SEMA6A: variants seen among roughly 807,000 people sequenced by gnomAD.
SEMA6A encodes the protein semaphorin 6A, also known as semaphorin-6A.
Under a neutral mutation model 96.8 loss-of-function variants are expected in SEMA6A, and 25 were observed. That is an observed-to-expected ratio of 0.26 (90% confidence interval 0.19 to 0.36). The LOEUF (loss-of-function observed/expected upper bound fraction) is 0.36, where lower values mean the gene tolerates loss of function less well. SEMA6A is among the 10% of genes least tolerant of loss of function. The pLI is 1.00. For synonymous variants in SEMA6A, 612 were observed against 518.0 expected (o/e 1.18, Z -2.46); for missense variants, 1,363 against 1,323.1 (o/e 1.03, Z -0.47).
At chr5:116,553,252 C>T (rs981645536) in intron 1 of SEMA6A, among the ~76,000 whole-genome samples, 2 of 152,116 alleles carry the variant, frequency 1.3e-5, no homozygotes, top group Non-Finnish European at 2.9e-5. Context: ...CTTGAAAATC[C>T]ATTAAGTATA....
chr5:116,543,383 C>T (rs1402170665), intron 1 of SEMA6A, among the ~76,000 whole-genome samples: 2 of 152,240 alleles, frequency 1.3e-5, no homozygotes, highest in Non-Finnish European at 2.9e-5. Context: ...TTCATGTTCA[C>T]TGCAGATGTG....
At chr5:116,489,936 A>G (rs558279050) in intron 7 of SEMA6A, among the ~76,000 whole-genome samples, 55 of 152,348 alleles carry the variant, frequency 3.6e-4, no homozygotes, top group African/African-American at 1.3e-3. Context: ...TACTTCCGTG[A>G]TTCACTTTTA....
chr5:116,483,893 G>C (rs897786279), intron 10 of SEMA6A, among the ~76,000 whole-genome samples: 1 of 151,818 alleles, frequency 6.6e-6, no homozygotes, highest in Admixed American at 6.6e-5. Context: ...GTGAAACCCC[G>C]TCTCTACTAA....
Position 116,447,246 on chromosome 5 carries a change from G to C in SEMA6A, c.2460C>G (p.Ile820Met), listed in dbSNP as rs575055741. 3.1e-6 allele frequency: 5 copies of C among 1,613,992 alleles called. No homozygotes were observed. The Admixed American group carries it at 5.0e-5, about 16-fold the overall frequency. The part of the protein sequence containing the change: ...SHIPSVVVLP[I>M]TQQGYQHEYV... ...ACTCATGCTGGTAGCCCTGCTGCGT[G>C]ATGGGCAGGACCACCACGCTGGGGA... Residue 820 changes from isoleucine (I) to methionine (M), a missense_variant, in exon 19 of 19, where the codon ATC becomes ATG. Physicochemically the swap from Ile to Met is conservative, Grantham distance 10 (BLOSUM62 1). This residue lies in a region of SEMA6A where 883 missense variants were observed against 763.6 expected (regional missense o/e 1.16). Coordinates refer to ENST00000343348, the MANE Select transcript of SEMA6A (RefSeq NM_020796.5).
chr5:116,537,028 A>C (rs1416777202), intron 1 of SEMA6A, among the ~76,000 whole-genome samples: 1 of 152,220 alleles, frequency 6.6e-6, no homozygotes, highest in African/African-American at 2.4e-5. Context: ...GCGTTCCTTT[A>C]AACCAAGTCC....
chr5:116,559,035 G>A (rs1217387470), intron 1 of SEMA6A, among the ~76,000 whole-genome samples: 2 of 152,162 alleles, frequency 1.3e-5, no homozygotes, highest in Non-Finnish European at 2.9e-5. Context: ...AGATCATTTA[G>A]CGCTTGGTCC....
intron 4 of SEMA6A, among the ~76,000 whole-genome samples, chr5:116,496,955 A>C (rs1757632824): frequency 6.6e-6 from 1 of 152,240 alleles, no homozygotes. Flanking sequence ...AATCAAACTT[A>C]ATACTGCAAG....
At chr5:116,463,335 C>T (rs1213899472) in intron 18 of SEMA6A, among the ~76,000 whole-genome samples, 1 of 152,066 alleles carries the variant, frequency 6.6e-6, no homozygotes, top group African/African-American at 2.4e-5. Context: ...TCATCTCCCT[C>T]GGAGGAAATA....
chr5:116,454,050 T>A (rs1754826613), intron 18 of SEMA6A, among the ~76,000 whole-genome samples: 1 of 152,146 alleles, frequency 6.6e-6, no homozygotes, highest in African/African-American at 2.4e-5. Context: ...TCACCCCCTT[T>A]CACTGGACGG....
At chr5:116,519,870 A>G (rs1026131477) in intron 1 of SEMA6A, among the ~76,000 whole-genome samples, 1 of 152,096 alleles carries the variant, frequency 6.6e-6, no homozygotes, top group African/African-American at 2.4e-5. Context: ...CTCCTGCCTC[A>G]TGACAATTGC....
At chr5:116,501,477 GT>G (rs1289807362) in intron 3 of SEMA6A, among the ~76,000 whole-genome samples, 1 of 152,104 alleles carries the variant, frequency 6.6e-6, no homozygotes, top group African/African-American at 2.4e-5. Flanking sequence ...TTCTTTCAAA[GT>G]GATGATATAG....
chr5:116,504,580 G>A (rs1000708238), intron 2 of SEMA6A, among the ~76,000 whole-genome samples: 8 of 152,136 alleles, frequency 5.3e-5, no homozygotes, highest in African/African-American at 1.7e-4. Flanking sequence ...GCATGAACAC[G>A]GCAGCCTCGA....
intron 1 of SEMA6A, among the ~76,000 whole-genome samples, chr5:116,573,205 ATGGTAGCGCCCTAGGACACAG>A (rs1468421633): frequency 6.6e-6 from 1 of 152,180 alleles, no homozygotes; most frequent in Non-Finnish European, 1.5e-5. Context: ...CATTGCCCCC[ATGGTAGCGCCCTAGGACACAG>A]TGAGGAGTCG....
intron 1 of SEMA6A, among the ~76,000 whole-genome samples, chr5:116,551,317 T>TACACACAC (rs66523615): frequency 0.22 from 31,468 of 142,238 alleles, 3,990 homozygotes; most frequent in Admixed American, 0.29. Flanking sequence ...AGTCTTAGCA[T>TACACACAC]ACACACACAC....
At chr5:116,546,957 T>A (rs761374494) in intron 1 of SEMA6A, among the ~76,000 whole-genome samples, 1 of 152,178 alleles carries the variant, frequency 6.6e-6, no homozygotes, top group Non-Finnish European at 1.5e-5. Flanking sequence ...TAGATTCTCA[T>A]GAAAAACAAA....
intron 17 of SEMA6A, 190 bp downstream of exon 17, chr5:116,472,883 A>T (rs768099873): frequency 1.1e-5 from 16 of 1,505,356 alleles, no homozygotes; most frequent in Non-Finnish European, 1.3e-5. Context: ...CCGTAAACTG[A>T]CCATACACTG....
intron 9 of SEMA6A, chr5:116,487,214 C>T (rs1757097303): frequency 1.9e-5 from 8 of 431,470 alleles, no homozygotes; most frequent in South Asian, 1.5e-4. Context: ...GAATCAGCTC[C>T]GAGCCACATA....
intron 1 of SEMA6A, among the ~76,000 whole-genome samples, chr5:116,563,356 G>T (rs1760894854): frequency 6.6e-6 from 1 of 152,086 alleles, no homozygotes; most frequent in African/African-American, 2.4e-5. Flanking sequence ...ACAAATTTCA[G>T]TTGTTCCCCA....
Position 116,528,928 on chromosome 5 carries a change from G to A in SEMA6A, c.-38-23946C>T, listed in dbSNP as rs141358508. ...CCTGACCCTGTGTCACTTTGACTGT[G>A]AAACACATGAAAAAGACAAATGAGT... On this transcript the variant is annotated intron_variant, in intron 1 of 18. Transcript: ENST00000343348. Among the ~76,000 whole-genome samples, 435 of 152,220 alleles carry A rather than the reference G, an allele frequency of 2.9e-3. 4 individuals carry two copies. The highest frequency in any genetic ancestry group is 9.8e-3 in the African/African-American group (407 of 41,542).
Sources: gnomAD v4.1 joint callset for allele counts (sites outside exome capture counted in the v4.1 genomes callset) on GRCh38, gnomAD v4.1.1 for gene constraint, gnomAD v4.1.1 regional missense constraint, MANE v1.5 for transcripts, NCBI Gene and HGNC (gene_info 2026-07-23, HGNC 2026-07-21) for gene names.